The following PRKCE variants were observed in gnomAD, a reference collection of about 807,000 sequenced individuals.
The protein encoded by PRKCE is protein kinase C epsilon type.
PRKCE carries 16 observed loss-of-function variants against 85.4 expected under a neutral mutation model. That is an observed-to-expected ratio of 0.19 (90% CI 0.13 to 0.28). The LOEUF (loss-of-function observed/expected upper bound fraction) is 0.28. PRKCE is among the 10% of genes least tolerant of loss of function. The probability of loss-of-function intolerance (pLI) is 1.00; values close to 1 mark genes in which losing one functional copy is unlikely to be tolerated. For missense variants in PRKCE, 573 were observed against 975.2 expected (o/e 0.59, Z 5.49); for synonymous variants, 388 against 371.5 (o/e 1.04, Z -0.51).
intron 2 of PRKCE, among the ~76,000 whole-genome samples, chr2:45,864,262 G>A (rs1051427285): frequency 1.1e-4 from 16 of 152,118 alleles, no homozygotes; most frequent in East Asian, 1.9e-4. Context: ...TTTTCTGTAC[G>A]TTCTGGGAAC....
intron 1 of PRKCE, among the ~76,000 whole-genome samples, chr2:45,756,845 A>G (rs558356879): frequency 2.0e-5 from 3 of 152,320 alleles, no homozygotes; most frequent in African/African-American, 7.2e-5. Context: ...GCAAGAGATT[A>G]TAAACTCTAT....
chr2:45,842,838 C>G (rs1431749049), intron 1 of PRKCE, among the ~76,000 whole-genome samples, 162 bp from the exon 2 acceptor site: 1 of 152,194 alleles, frequency 6.6e-6, no homozygotes, highest in Non-Finnish European at 1.5e-5. Flanking sequence ...TGCATCAGTC[C>G]TCCCAGGTCT....
chr2:45,963,286 C>T (rs1227100666), intron 2 of PRKCE, among the ~76,000 whole-genome samples: 1 of 152,024 alleles, frequency 6.6e-6, no homozygotes, highest in East Asian at 1.9e-4. Context: ...GACTGGGTGG[C>T]ATAATAATCA....
intron 1 of PRKCE, among the ~76,000 whole-genome samples, chr2:45,772,081 G>T (rs761858724): frequency 6.6e-6 from 1 of 152,184 alleles, no homozygotes; most frequent in Non-Finnish European, 1.5e-5. Flanking sequence ...ACCGAGGTCA[G>T]AGAGACTGAG....
At chr2:46,048,052 T>C (rs959159463) in intron 10 of PRKCE, among the ~76,000 whole-genome samples, 1 of 152,180 alleles carries the variant, frequency 6.6e-6, no homozygotes, top group Non-Finnish European at 1.5e-5. Flanking sequence ...TTAATTTAAC[T>C]CACCTACTTC....
chr2:45,774,644 C>G lies in PRKCE; in HGVS notation c.349-68356C>G, dbSNP rs1685609151. Among the ~76,000 whole-genome samples the G allele has an allele frequency of 6.6e-6, 1 of 152,106 alleles. No homozygotes were observed. Among genetic ancestry groups the G allele is most frequent in the Non-Finnish European group, 1.5e-5 (1 of 68,014 alleles). On this transcript the variant is annotated intron_variant, in intron 1 of 14. Coordinates refer to ENST00000306156, the MANE Select transcript of PRKCE (RefSeq NM_005400.3). This position sits in a 1 kb window ranked among gnomAD's most constrained non-coding sequence, Gnocchi z 4.3. The stretch of plus-strand genomic sequence containing the variant: ...TTGCACTGAGAGGGGTATTCTGAAG[C>G]CACAGGCCCAGGGAGACAGACAGGC...
At chr2:46,012,928 A>G (rs1705811295) in intron 10 of PRKCE, among the ~76,000 whole-genome samples, 1 of 152,194 alleles carries the variant, frequency 6.6e-6, no homozygotes, top group Non-Finnish European at 1.5e-5. Flanking sequence ...CTGTAGGGTG[A>G]GGATGGGCAG....
intron 11 of PRKCE, among the ~76,000 whole-genome samples, chr2:46,124,577 A>G (rs1304997201): frequency 2.6e-5 from 4 of 152,178 alleles, no homozygotes; most frequent in Admixed American, 2.6e-4. Flanking sequence ...TTCCCCAGTT[A>G]GAGACCCCCT....
intron 1 of PRKCE, among the ~76,000 whole-genome samples, chr2:45,687,165 C>G (rs191424317): frequency 4.6e-5 from 7 of 151,974 alleles, no homozygotes; most frequent in African/African-American, 1.7e-4. Context: ...GCTTCATGGA[C>G]CAACATAAAC....
At chr2:45,890,327 G>T (rs963113500) in intron 2 of PRKCE, among the ~76,000 whole-genome samples, 1 of 152,090 alleles carries the variant, frequency 6.6e-6, no homozygotes, top group African/African-American at 2.4e-5. Context: ...AACTGTCATA[G>T]AAATACTTCA....
At chr2:45,661,516 G>GTTTTT (rs1270841370) in intron 1 of PRKCE, among the ~76,000 whole-genome samples, 3 of 121,154 alleles carry the variant, frequency 2.5e-5, no homozygotes, top group African/African-American at 9.7e-5. Context: ...GTTTTGTTTT[G>GTTTTT]TTTTTTGTTT....
At chr2:45,986,355 G>A (rs932420952) in intron 6 of PRKCE, among the ~76,000 whole-genome samples, 3 of 152,192 alleles carry the variant, frequency 2.0e-5, no homozygotes, top group African/African-American at 7.2e-5. Context: ...AAAAGACAGT[G>A]GCAAAGGAGA....
At chr2:45,814,612 C>T (rs1320820824) in intron 1 of PRKCE, among the ~76,000 whole-genome samples, 1 of 152,190 alleles carries the variant, frequency 6.6e-6, no homozygotes, top group Non-Finnish European at 1.5e-5. Context: ...TCATCACCAC[C>T]GATCTGGAAG....
chr2:45,812,364 A>C (rs986282953), intron 1 of PRKCE, among the ~76,000 whole-genome samples: 1 of 152,246 alleles, frequency 6.6e-6, no homozygotes, highest in African/African-American at 2.4e-5. Context: ...ATGAAGCCTA[A>C]GGAGGGAACT....
chr2:46,159,951 C>T lies in PRKCE; in HGVS notation c.2067+199C>T. 1.8e-6 allele frequency: 1 copy of T among 550,364 alleles called. No individual in the cohort carries two copies. The highest frequency in any genetic ancestry group is 3.1e-6 in the Non-Finnish European group (1 of 327,728). 34.1% of individuals were successfully genotyped at this position (550,364 alleles called of 1,614,324 possible). On this transcript the variant is annotated intron_variant, in intron 14 of 14. Coordinates refer to ENST00000306156, the MANE Select transcript of PRKCE (RefSeq NM_005400.3). This position sits in a 1 kb window ranked among gnomAD's most constrained non-coding sequence, Gnocchi z 4.1. ...ACTATTGAAAACATGTAACCTACTA[C>T]AGCAGCACCCAAGATGATGATTTAC...
intron 2 of PRKCE, among the ~76,000 whole-genome samples, chr2:45,884,347 A>T (rs1695087346): frequency 6.6e-6 from 1 of 152,230 alleles, no homozygotes; most frequent in African/African-American, 2.4e-5. Flanking sequence ...ATTGCTGGGT[A>T]AACCAAAACC....
intron 1 of PRKCE, among the ~76,000 whole-genome samples, chr2:45,654,080 G>C (rs1038994650): frequency 1.1e-4 from 17 of 152,226 alleles, no homozygotes; most frequent in African/African-American, 3.9e-4. Flanking sequence ...GGACAGGAAG[G>C]GGGTGGAAAA....
At chr2:45,927,949 G>A (rs141099309) in intron 2 of PRKCE, among the ~76,000 whole-genome samples, 79 of 151,992 alleles carry the variant, frequency 5.2e-4, no homozygotes, top group African/African-American at 1.8e-3. Context: ...GGGGGCCTGG[G>A]TGGTACTGGA....
intron 14 of PRKCE, among the ~76,000 whole-genome samples, chr2:46,165,411 A>T (rs1678239885): frequency 1.3e-5 from 2 of 152,246 alleles, no homozygotes; most frequent in African/African-American, 4.8e-5. Context: ...GAGCAAGGAC[A>T]CACAGTGGGG....
Sources: allele counts gnomAD v4.1 joint callset (sites outside exome capture counted in the v4.1 genomes callset), GRCh38; gene constraint gnomAD v4.1.1; non-coding constraint Gnocchi (gnomAD v3.1); transcripts MANE v1.5; gene names NCBI Gene and HGNC (gene_info 2026-07-23, HGNC 2026-07-21).